The following GRID2 variants were observed in gnomAD, a reference collection of about 807,000 sequenced individuals.
The protein encoded by GRID2 is glutamate ionotropic receptor delta type subunit 2, also known as glutamate receptor ionotropic, delta-2.
Under a neutral mutation model 114.8 loss-of-function variants are expected in GRID2, and 33 were observed. The observed-to-expected ratio is 0.29, with a 90% CI of 0.22 to 0.38. GRID2 has a LOEUF of 0.38. GRID2 is among the 10% of genes least tolerant of loss of function. The pLI is 1.00. For synonymous variants in GRID2, 505 were observed against 449.9 expected (o/e 1.12, Z -1.55); for missense variants, 1,184 against 1,257.7 (o/e 0.94, Z 0.89).
intron 2 of GRID2, among the ~76,000 whole-genome samples, chr4:92,868,017 TTTC>T (rs1229974420): frequency 3.6e-3 from 101 of 28,262 alleles, no homozygotes; most frequent in African/African-American, 0.011. Context: ...ACTGAAAGGT[TTTC>T]TTTCTTTCTT....
chr4:92,413,337 A>T (rs528024883), intron 1 of GRID2, among the ~76,000 whole-genome samples: 2 of 152,244 alleles, frequency 1.3e-5, no homozygotes, highest in South Asian at 2.1e-4. Flanking sequence ...AGTTTTTTTT[A>T]AAAATGATCC....
intron 2 of GRID2, among the ~76,000 whole-genome samples, chr4:92,826,502 A>T (rs1741709461): frequency 6.6e-6 from 1 of 151,988 alleles, no homozygotes; most frequent in Admixed American, 6.6e-5. Flanking sequence ...TGTTATTCCC[A>T]CTGGAGTGTA....
chr4:93,081,549 G>A (rs1222490877), intron 2 of GRID2, among the ~76,000 whole-genome samples: 2 of 152,148 alleles, frequency 1.3e-5, no homozygotes, highest in African/African-American at 4.8e-5. Context: ...GGCAGTTAGT[G>A]CAGGCTCCAA....
At chr4:93,190,161 A>G in intron 4 of GRID2, among the ~76,000 whole-genome samples, 1 of 152,266 alleles carries the variant, frequency 6.6e-6, no homozygotes, top group East Asian at 1.9e-4. Flanking sequence ...ATGTTTCAAG[A>G]AAGGGAACTA....
intron 2 of GRID2, among the ~76,000 whole-genome samples, chr4:92,965,951 A>G (rs943310656): frequency 2.6e-5 from 4 of 151,954 alleles, no homozygotes; most frequent in Non-Finnish European, 5.9e-5. Context: ...ATTGAAATTT[A>G]TAAAGTTCAT....
rs536842181 is a variant in GRID2, at chr4:92,538,115, T to G, written c.89-52016T>G. Among the ~76,000 whole-genome samples the G allele has an allele frequency of 6.6e-5, 10 of 152,278 alleles. No individual in the cohort carries two copies. The South Asian group carries it at 1.9e-3, about 28-fold the overall frequency. On this transcript the variant is annotated intron_variant, in intron 1 of 15. Transcript: ENST00000282020. ...TAGATCTGTTAGTGATTATATATAA[T>G]AACTATCTGTGAGATCTTATTAAGG... is the stretch of plus-strand genomic sequence containing the variant.
intron 13 of GRID2, among the ~76,000 whole-genome samples, chr4:93,572,184 C>G (rs1031768303): frequency 2.0e-5 from 3 of 151,964 alleles, no homozygotes; most frequent in Non-Finnish European, 1.5e-5. Context: ...ATAAAGACAT[C>G]GGCAAAACTC....
chr4:93,304,007 T>A (rs1414130130), intron 8 of GRID2, among the ~76,000 whole-genome samples: 1 of 151,898 alleles, frequency 6.6e-6, no homozygotes. Flanking sequence ...TATTGCATTC[T>A]CATTCACCAA....
intron 8 of GRID2, among the ~76,000 whole-genome samples, chr4:93,369,656 T>G (rs1762682919): frequency 6.6e-6 from 1 of 152,050 alleles, no homozygotes; most frequent in Non-Finnish European, 1.5e-5. Flanking sequence ...ACACAGCTAA[T>G]ATTTCATTTT....
intron 2 of GRID2, among the ~76,000 whole-genome samples, chr4:92,863,794 T>C (rs1034760765): frequency 9.2e-5 from 14 of 152,104 alleles, no homozygotes; most frequent in African/African-American, 2.9e-4. Context: ...AGGAACATCA[T>C]TGAAGTCAGT....
At chr4:92,666,484 G>A (rs1008297671) in intron 2 of GRID2, among the ~76,000 whole-genome samples, 13 of 151,148 alleles carry the variant, frequency 8.6e-5, no homozygotes, top group Admixed American at 6.6e-5. Context: ...TGTGATTTTT[G>A]TGTTGAAAAC....
chr4:93,738,512 A>G (rs1217031815), intron 14 of GRID2, among the ~76,000 whole-genome samples: 3 of 152,156 alleles, frequency 2.0e-5, no homozygotes, highest in Non-Finnish European at 4.4e-5. Context: ...GATTTTAAAT[A>G]TAACTAGGGG....
intron 2 of GRID2, among the ~76,000 whole-genome samples, chr4:92,797,666 A>G (rs1365849619): frequency 6.6e-6 from 1 of 151,940 alleles, no homozygotes; most frequent in East Asian, 1.9e-4. Context: ...TATTTTATGC[A>G]TTTATGACAT....
At chr4:92,898,133 T>C (rs975030395) in intron 2 of GRID2, among the ~76,000 whole-genome samples, 1 of 152,194 alleles carries the variant, frequency 6.6e-6, no homozygotes, top group Non-Finnish European at 1.5e-5. Flanking sequence ...CTGATCATTT[T>C]GTTGAAAATA....
chr4:92,640,312 A>C (rs1204101879), intron 2 of GRID2, among the ~76,000 whole-genome samples: 1 of 151,814 alleles, frequency 6.6e-6, no homozygotes, highest in Non-Finnish European at 1.5e-5. Context: ...GTTTTAAAGA[A>C]CCTTAGACAT....
intron 8 of GRID2, among the ~76,000 whole-genome samples, chr4:93,394,733 A>G (rs1227866600): frequency 6.6e-6 from 1 of 152,010 alleles, no homozygotes; most frequent in Non-Finnish European, 1.5e-5. Flanking sequence ...ATCTGCTTTC[A>G]GGATGAATAA....
intron 8 of GRID2, among the ~76,000 whole-genome samples, chr4:93,386,067 C>G (rs1028439094): frequency 2.0e-5 from 3 of 152,146 alleles, no homozygotes; most frequent in African/African-American, 7.2e-5. Context: ...TGTGTTTTCT[C>G]AAGGACCCCA....
At chr4:93,027,005 A>G (rs1723942518) in intron 2 of GRID2, among the ~76,000 whole-genome samples, 1 of 152,110 alleles carries the variant, frequency 6.6e-6, no homozygotes, top group Non-Finnish European at 1.5e-5. Flanking sequence ...AGTGAGAGGA[A>G]GAAAGGGGAA....
chr4:92,596,257 C>T (rs1018311121), intron 2 of GRID2, among the ~76,000 whole-genome samples: 19 of 152,212 alleles, frequency 1.2e-4, no homozygotes, highest in South Asian at 1.0e-3. Context: ...TTCATCCATT[C>T]GTTCATTTAT....
Sources: allele counts gnomAD v4.1 joint callset (sites outside exome capture counted in the v4.1 genomes callset), GRCh38; gene constraint gnomAD v4.1.1; transcripts MANE v1.5; gene names NCBI Gene and HGNC (gene_info 2026-07-23, HGNC 2026-07-21).